The following AP4S1 variants were observed in gnomAD, a reference collection of about 807,000 sequenced individuals.
The protein encoded by AP4S1 is AP-4 complex subunit sigma-1.
AP4S1 carries 23 observed loss-of-function variants against 19.8 expected under a neutral mutation model. The ratio of observed to expected loss-of-function variants is 1.16; its 90% confidence interval spans 0.84 to 1.65. The LOEUF (loss-of-function observed/expected upper bound fraction) is 1.65. Ranked by LOEUF, AP4S1 falls within the 40% of genes most tolerant of loss-of-function variation. The pLI, the probability that AP4S1 is intolerant of heterozygous loss-of-function variation, is 0.00. For missense variants in AP4S1, 166 were observed against 172.8 expected (o/e 0.96, Z 0.22); for synonymous variants, 46 against 54.1 (o/e 0.85, Z 0.66).
intron 3 of AP4S1, among the ~76,000 whole-genome samples, chr14:31,071,713 C>T (rs769337960): frequency 2.6e-5 from 4 of 151,060 alleles, no homozygotes; most frequent in African/African-American, 7.3e-5. Flanking sequence ...CCACCGCACC[C>T]GGCCTAAATT....
In AP4S1 at chr14:31,026,214, G is replaced by A. The variant is rs1342120161; in HGVS notation, c.-72+427G>A. 5 of 1,386,672 alleles carry A rather than the reference G, an allele frequency of 3.6e-6. No homozygotes were observed. In the Admixed American group the frequency reaches 1.5e-4, roughly 41 times the overall value. The allele number at this position is 1,386,672 out of a possible 1,614,324, so 85.9% of individuals were successfully genotyped here. A position where few individuals can be genotyped will look rare whatever the true frequency, so the allele number is the denominator to read the frequency against. Reference sequence around the variant, plus strand: ...GTGTGGGGCCCCGGCCGGGGCGCAGGGCGAGACGCCGACAGCTGGGGGAAG... The same window carrying A: ...GTGTGGGGCCCCGGCCGGGGCGCAGAGCGAGACGCCGACAGCTGGGGGAAG... On this transcript the variant is annotated intron_variant, in intron 1 of 5. Transcript: ENST00000542754.
intron 1 of AP4S1, among the ~76,000 whole-genome samples, chr14:31,048,715 G>C (rs924516648): frequency 6.6e-6 from 1 of 152,026 alleles, no homozygotes; most frequent in South Asian, 2.1e-4. Context: ...CTCCAGCCTG[G>C]GTGACAGTGA....
chr14:31,057,466 C>T (rs147074491), intron 1 of AP4S1, among the ~76,000 whole-genome samples: 4 of 152,274 alleles, frequency 2.6e-5, no homozygotes, highest in African/African-American at 7.2e-5. Flanking sequence ...CCCAGAAATA[C>T]GCCATCAGAA....
At chr14:31,071,492 C>G (rs188263582) in intron 3 of AP4S1, among the ~76,000 whole-genome samples, 1 of 152,302 alleles carries the variant, frequency 6.6e-6, no homozygotes, top group African/African-American at 2.4e-5. Flanking sequence ...ATGATCTCGG[C>G]TCACTGCAAC....
intron 1 of AP4S1, among the ~76,000 whole-genome samples, chr14:31,036,540 A>G (rs1203161847): frequency 1.3e-5 from 2 of 152,196 alleles, no homozygotes; most frequent in Non-Finnish European, 2.9e-5. Context: ...TGACCTAGCT[A>G]TTATTGTCAG....
chr14:31,081,660 ATATT>A (rs1310105115), intron 5 of AP4S1, among the ~76,000 whole-genome samples: 1 of 151,312 alleles, frequency 6.6e-6, no homozygotes, highest in African/African-American at 2.4e-5. Flanking sequence ...TTATATATAA[ATATT>A]TATATAAGAA....
At position 31,093,137 on chromosome 14, in the gene AP4S1, A is replaced by G. The variant is rs1888120670; in HGVS notation, c.*102A>G. The G allele has an allele frequency of 1.7e-6, 2 of 1,199,070 alleles. No individual in the cohort carries two copies. Among genetic ancestry groups the G allele is most frequent in the Non-Finnish European group, 2.3e-6 (2 of 876,402 alleles). The allele number at this position is 1,199,070 out of a possible 1,614,324, so 74.3% of individuals were successfully genotyped here. ...GAAGAATCTGGAAGACCACAATTAC[A>G]AAATGGGGTATCCTTCCAAAGACAT... On this transcript the variant is annotated 3_prime_UTR_variant, in exon 6 of 6. Coordinates refer to ENST00000542754, the MANE Select transcript of AP4S1 (RefSeq NM_001128126.3).
At chr14:31,036,556 G>A (rs988087375) in intron 1 of AP4S1, among the ~76,000 whole-genome samples, 9 of 152,194 alleles carry the variant, frequency 5.9e-5, no homozygotes, top group African/African-American at 2.2e-4. Context: ...GTCAGCTTTA[G>A]CTAGCTAGCT....
intron 1 of AP4S1, chr14:31,025,997 G>A (rs775577809): frequency 4.7e-5 from 73 of 1,559,894 alleles, no homozygotes; most frequent in African/African-American, 2.7e-5. Flanking sequence ...CCGGGATAGT[G>A]TACTGCTGCG....
chr14:31,048,921 T>C (rs553533878), intron 1 of AP4S1, among the ~76,000 whole-genome samples: 2 of 152,044 alleles, frequency 1.3e-5, no homozygotes, highest in African/African-American at 4.8e-5. Context: ...ACCTATATGT[T>C]TGTGTAGGAC....
At chr14:31,081,501 G>C (rs909420980) in intron 5 of AP4S1, among the ~76,000 whole-genome samples, 1 of 152,134 alleles carries the variant, frequency 6.6e-6, no homozygotes, top group Admixed American at 6.6e-5. Context: ...CACAGATTTT[G>C]GCAGGAGCCC....
rs183515312 is a variant in AP4S1, at chr14:31,050,450, A to T, written c.-71-15676A>T. Among the ~76,000 whole-genome samples the T allele has an allele frequency of 1.9e-4, 29 of 152,070 alleles. No homozygotes were observed. In the East Asian group the frequency reaches 5.4e-3, roughly 28 times the overall value. On this transcript the variant is annotated intron_variant, in intron 1 of 5. Coordinates refer to ENST00000542754, the MANE Select transcript of AP4S1 (RefSeq NM_001128126.3). ...CTTATATCTCTCTGATCTCTGCTTT[A>T]AAAAAAACTAACTTTTTATTTGGAA...
intron 1 of AP4S1, among the ~76,000 whole-genome samples, chr14:31,054,248 A>G (rs1203799789): frequency 1.3e-5 from 2 of 152,266 alleles, no homozygotes; most frequent in Non-Finnish European, 2.9e-5. Flanking sequence ...ATTAAAAATC[A>G]GTTGGTCATA....
At chr14:31,059,361 C>T (rs934341211) in intron 1 of AP4S1, among the ~76,000 whole-genome samples, 11 of 152,106 alleles carry the variant, frequency 7.2e-5, no homozygotes, top group African/African-American at 2.7e-4. Flanking sequence ...AGGTAGAAAC[C>T]AATTTGATCC....
chr14:31,062,630 G>A (rs1886501364), intron 1 of AP4S1, among the ~76,000 whole-genome samples: 1 of 152,112 alleles, frequency 6.6e-6, no homozygotes, highest in Non-Finnish European at 1.5e-5. Context: ...CGATGCTAAA[G>A]TTAATGAAAT....
chr14:31,083,782 T>G (rs1476444570), intron 5 of AP4S1: 2 of 333,072 alleles, frequency 6.0e-6, no homozygotes, highest in Non-Finnish European at 1.2e-5. Flanking sequence ...AGTGTTGACA[T>G]TCTTAAAAGG....
intron 1 of AP4S1, among the ~76,000 whole-genome samples, chr14:31,030,440 T>C (rs1884322108): frequency 6.6e-6 from 1 of 152,186 alleles, no homozygotes; most frequent in Non-Finnish European, 1.5e-5. Flanking sequence ...ACTCCTGGGC[T>C]CAATCTATCC....
intron 4 of AP4S1, 133 bp downstream of exon 4, chr14:31,073,106 C>A: frequency 6.7e-6 from 5 of 743,098 alleles, no homozygotes; most frequent in East Asian, 2.9e-5. Context: ...TAAGTGATGC[C>A]AAATTTTCTT....
intron 2 of AP4S1, among the ~76,000 whole-genome samples, chr14:31,068,159 C>T (rs147410479): frequency 0.019 from 2,843 of 152,340 alleles, 32 homozygotes; most frequent in Non-Finnish European, 0.03. Flanking sequence ...TGAGCCACCA[C>T]GCCCGGCCCC....
Sources: allele counts gnomAD v4.1 joint callset (sites outside exome capture counted in the v4.1 genomes callset), GRCh38; gene constraint gnomAD v4.1.1; transcripts MANE v1.5; gene names NCBI Gene and HGNC (gene_info 2026-07-23, HGNC 2026-07-21).